CTNNA3: variants seen among roughly 807,000 people sequenced by gnomAD.
CTNNA3 encodes the protein catenin alpha-3.
Under a neutral mutation model 95.7 loss-of-function variants are expected in CTNNA3, and 76 were observed. The ratio of observed to expected loss-of-function variants is 0.79; its 90% confidence interval spans 0.66 to 0.96. The LOEUF (loss-of-function observed/expected upper bound fraction) is 0.96. Among genes scored for constraint, CTNNA3 ranks in the 40% least tolerant of loss-of-function variants. CTNNA3 has a pLI of 0.00. For missense variants in CTNNA3, 1,191 were observed against 1,089.8 expected, an observed-to-expected ratio of 1.09 and a Z score of -1.31; for synonymous variants, 431 against 374.4, an observed-to-expected ratio of 1.15 and a Z score of -1.74.
intron 3 of CTNNA3, among the ~76,000 whole-genome samples, chr10:67,580,567 T>C (rs1165561462): frequency 1.3e-5 from 2 of 151,720 alleles, no homozygotes; most frequent in African/African-American, 2.4e-5. Context: ...ATATGAACTT[T>C]AAAGTAGTTT....
intron 10 of CTNNA3, among the ~76,000 whole-genome samples, chr10:66,524,159 T>C (rs966374421): frequency 6.6e-6 from 1 of 152,256 alleles, no homozygotes; most frequent in Non-Finnish European, 1.5e-5. Context: ...AACATATCCA[T>C]GGAAATATCA....
At chr10:66,583,299 T>TTTG (rs139169263) in intron 10 of CTNNA3, among the ~76,000 whole-genome samples, 21 of 150,338 alleles carry the variant, frequency 1.4e-4, no homozygotes, top group East Asian at 9.8e-4. Context: ...TGTTTTGGTT[T>TTTG]TTGTTGTTGT....
At chr10:67,264,851 A>C (rs1040669961) in intron 5 of CTNNA3, among the ~76,000 whole-genome samples, 1 of 152,216 alleles carries the variant, frequency 6.6e-6, no homozygotes, top group African/African-American at 2.4e-5. Context: ...TTTCCACTGC[A>C]TGATGCCGTA....
chr10:66,219,471 A>C (rs2088781035), intron 13 of CTNNA3, among the ~76,000 whole-genome samples: 1 of 152,110 alleles, frequency 6.6e-6, no homozygotes, highest in African/African-American at 2.4e-5. Context: ...CAGTTATAGA[A>C]AATTGTGGCT....
intron 7 of CTNNA3, among the ~76,000 whole-genome samples, chr10:67,056,430 C>T (rs1441856585): frequency 6.6e-6 from 1 of 152,100 alleles, no homozygotes; most frequent in African/African-American, 2.4e-5. Context: ...ATTTTATGTT[C>T]ACAATTTTGC....
chr10:67,018,568 C>G (rs1217034203), intron 7 of CTNNA3, among the ~76,000 whole-genome samples: 2 of 152,184 alleles, frequency 1.3e-5, no homozygotes, highest in Non-Finnish European at 2.9e-5. Flanking sequence ...CAGTAATAGA[C>G]AGACCTGCTA....
intron 7 of CTNNA3, among the ~76,000 whole-genome samples, chr10:66,840,211 A>C (rs1349834823): frequency 2.6e-5 from 4 of 152,096 alleles, no homozygotes; most frequent in Non-Finnish European, 4.4e-5. Context: ...ACTGAATTAG[A>C]TGGAATATTT....
intron 12 of CTNNA3, among the ~76,000 whole-genome samples, chr10:66,286,506 C>G: frequency 6.6e-6 from 1 of 151,792 alleles, no homozygotes; most frequent in Non-Finnish European, 1.5e-5. Flanking sequence ...ACAGTTACAA[C>G]AGGGAAAAAG....
intron 5 of CTNNA3, among the ~76,000 whole-genome samples, chr10:67,403,111 GC>G (rs1237874524): frequency 2.0e-5 from 3 of 152,204 alleles, no homozygotes; most frequent in African/African-American, 7.2e-5. Flanking sequence ...AAGTCTGTGG[GC>G]TTTGGAGAGT....
At chr10:65,934,451 C>T (rs1589145170) in intron 17 of CTNNA3, among the ~76,000 whole-genome samples, 1 of 152,276 alleles carries the variant, frequency 6.6e-6, no homozygotes, top group South Asian at 2.1e-4. Context: ...CATAACTTTA[C>T]TTAAGCATGA....
At chr10:66,416,114 CGT>C (rs71466873) in intron 11 of CTNNA3, among the ~76,000 whole-genome samples, 34,579 of 151,574 alleles carry the variant, frequency 0.23, 4,158 homozygotes, top group South Asian at 0.3. Flanking sequence ...TGATAGATAA[CGT>C]AGAAAAGTAT....
intron 11 of CTNNA3, among the ~76,000 whole-genome samples, chr10:66,517,424 G>A (rs1432089862): frequency 1.3e-5 from 2 of 152,014 alleles, no homozygotes; most frequent in Admixed American, 1.3e-4. Context: ...TGATAAAATA[G>A]GTTTGCAGTA....
At chr10:67,599,750 T>C (rs1346300106) in intron 3 of CTNNA3, among the ~76,000 whole-genome samples, 1 of 152,170 alleles carries the variant, frequency 6.6e-6, no homozygotes, top group Non-Finnish European at 1.5e-5. Flanking sequence ...AATGTAGAGA[T>C]ATATACCATG....
chr10:67,274,895 A>T (rs1458143927), intron 5 of CTNNA3, among the ~76,000 whole-genome samples: 2 of 152,172 alleles, frequency 1.3e-5, no homozygotes, highest in African/African-American at 4.8e-5. Flanking sequence ...ATTATTATTT[A>T]ATTTAATGAA....
At position 66,927,050 on chromosome 10, in the gene CTNNA3, T is replaced by C. The variant is rs1360560172; in HGVS notation, c.1048-151526A>G. 1 of 1,614,178 alleles carries C rather than the reference T, an allele frequency of 6.2e-7. No individual in the cohort carries two copies. Among genetic ancestry groups the C allele is most frequent in the Non-Finnish European group, 8.5e-7 (1 of 1,180,044 alleles). On this transcript the variant is annotated intron_variant, in intron 7 of 17. Transcript: ENST00000433211. This position sits in a 1 kb window ranked among gnomAD's most constrained non-coding sequence, Gnocchi z 4.7. ...GGCTGTAGGTGTGAAGGCAAAATGG[T>C]ATATTGTGAATCTCAGAAATTACAG...
chr10:66,214,292 T>C (rs1006405684), intron 13 of CTNNA3, among the ~76,000 whole-genome samples: 1 of 152,166 alleles, frequency 6.6e-6, no homozygotes, highest in African/African-American at 2.4e-5. Flanking sequence ...ACAAAATATT[T>C]GTGTAACTGC....
At chr10:66,140,485 T>G (rs905197830) in intron 13 of CTNNA3, among the ~76,000 whole-genome samples, 2 of 152,228 alleles carry the variant, frequency 1.3e-5, no homozygotes, top group African/African-American at 4.8e-5. Context: ...AACAGAGATC[T>G]ATGTTACGAT....
intron 7 of CTNNA3, among the ~76,000 whole-genome samples, chr10:67,114,741 T>C (rs1423620334): frequency 2.6e-5 from 4 of 151,424 alleles, no homozygotes; most frequent in South Asian, 2.1e-4. Context: ...TGTGTGTGTG[T>C]GTGTAGCATG....
At chr10:66,222,622 A>AAAAGAAAGAAAGAAAGAAAGAAAG (rs147010411) in intron 13 of CTNNA3, among the ~76,000 whole-genome samples, 10 of 65,230 alleles carry the variant, frequency 1.5e-4, no homozygotes, top group African/African-American at 4.1e-4. Flanking sequence ...GAAAGAAAGA[A>AAAAGAAAGAAAGAAAGAAAGAAAG]AAAGAAAGAA....
Sources: allele counts gnomAD v4.1 joint callset (sites outside exome capture counted in the v4.1 genomes callset), GRCh38; gene constraint gnomAD v4.1.1; non-coding constraint Gnocchi (gnomAD v3.1); transcripts MANE v1.5; gene names NCBI Gene and HGNC (gene_info 2026-07-23, HGNC 2026-07-21).